The following PHLPP1 variants were observed in gnomAD, a reference collection of about 807,000 sequenced individuals.
PHLPP1 encodes PH domain leucine-rich repeat-containing protein phosphatase 1.
A neutral mutation model predicts 117.2 loss-of-function variants in PHLPP1; 42 were observed. The ratio of observed to expected loss-of-function variants is 0.36; its 90% CI spans 0.28 to 0.46. PHLPP1 has a LOEUF of 0.46. Ranked by LOEUF, PHLPP1 falls within the 20% of genes least tolerant of loss-of-function variation. The pLI is 1.00. For missense variants in PHLPP1, 2,084 were observed against 2,241.9 expected (o/e 0.93, Z 1.42); for synonymous variants, 1,042 against 970.7 (o/e 1.07, Z -1.37).
intron 1 of PHLPP1, among the ~76,000 whole-genome samples, chr18:62,802,216 C>T (rs980391767): frequency 3.9e-5 from 6 of 152,248 alleles, no homozygotes; most frequent in Middle Eastern, 3.4e-3. Flanking sequence ...AGAGGAAGGA[C>T]TGAGTGGCCC....
At chr18:62,739,773 T>C (rs1202609244) in intron 1 of PHLPP1, among the ~76,000 whole-genome samples, 1 of 152,200 alleles carries the variant, frequency 6.6e-6, no homozygotes, top group Non-Finnish European at 1.5e-5. Flanking sequence ...GAGATTCTTG[T>C]AAGAGCTCTG....
At chr18:62,772,699 C>T (rs1374747885) in intron 1 of PHLPP1, among the ~76,000 whole-genome samples, 1 of 151,724 alleles carries the variant, frequency 6.6e-6, no homozygotes, top group Non-Finnish European at 1.5e-5. Context: ...GGCGTAGTGG[C>T]ACATGCCTGT....
intron 1 of PHLPP1, among the ~76,000 whole-genome samples, chr18:62,734,328 A>G (rs1911308721): frequency 6.6e-6 from 1 of 152,180 alleles, no homozygotes; most frequent in African/African-American, 2.4e-5. Context: ...ATCTTCATGG[A>G]AGAAGGAATT....
At chr18:62,738,143 A>G (rs146294050) in intron 1 of PHLPP1, among the ~76,000 whole-genome samples, 121 of 151,960 alleles carry the variant, frequency 8.0e-4, no homozygotes, top group African/African-American at 2.5e-3. Context: ...AAAAAAAAAC[A>G]GTAAAAAATA....
intron 1 of PHLPP1, among the ~76,000 whole-genome samples, chr18:62,766,488 T>A (rs531737722): frequency 6.6e-6 from 1 of 152,146 alleles, no homozygotes; most frequent in African/African-American, 2.4e-5. Flanking sequence ...CTGCTGTGCT[T>A]GTTCACGCTG....
rs1911255927 is a variant in PHLPP1 at position 62,978,286 on chromosome 18, G to A, written c.4009G>A (p.Glu1337Lys). Residue 1337 changes from glutamate (E) to lysine (K), a missense_variant, in exon 17 of 17, where the codon GAG (glutamate) becomes AAG (lysine). Transcript: ENST00000262719. The surrounding 1 kb of genome is among the most constrained non-coding windows in gnomAD (Gnocchi z 7.0). ...GGATGGCAAGGTGAACGGAGTGACTGAGTCCACGCGCATCCTGGGCTACAC... is the reference window on the plus strand; with the variant it reads ...GGATGGCAAGGTGAACGGAGTGACTAAGTCCACGCGCATCCTGGGCTACAC... ...TEDGKVNGVT[E>K]STRILGYTFL... 1 of 1,607,132 alleles carries A rather than the reference G, an allele frequency of 6.2e-7. No individual in the cohort carries two copies. The highest frequency in any genetic ancestry group is 8.5e-7 in the Non-Finnish European group (1 of 1,175,142).
chr18:62,820,901 A>G (rs1018703169), intron 1 of PHLPP1, among the ~76,000 whole-genome samples: 20 of 152,366 alleles, frequency 1.3e-4, no homozygotes, highest in African/African-American at 4.6e-4. Flanking sequence ...ATTAATTCCT[A>G]CAAAGAACAT....
intron 1 of PHLPP1, among the ~76,000 whole-genome samples, chr18:62,748,152 C>A (rs1911733434): frequency 6.6e-6 from 1 of 152,072 alleles, no homozygotes; most frequent in African/African-American, 2.4e-5. Context: ...AGTCCTTCTT[C>A]CATAATTGTG....
Position 62,895,166 on chromosome 18 carries a change from T to C in PHLPP1, c.2213+9T>C. The C allele has an allele frequency of 6.2e-7, 1 of 1,612,130 alleles. No individual in the cohort carries two copies. The highest frequency in any genetic ancestry group is 1.1e-5 in the South Asian group (1 of 90,950). On this transcript the variant is annotated intron_variant, in intron 5 of 16. Coordinates refer to ENST00000262719, the MANE Select transcript of PHLPP1 (RefSeq NM_194449.4). The stretch of plus-strand genomic sequence containing the variant: ...GTTGGAGTGATGCACAAGTGTGTAC[T>C]TCAAACCCCACTGGCGGGTATATCC...
chr18:62,894,331 G>A (rs574652195), intron 4 of PHLPP1, among the ~76,000 whole-genome samples: 2 of 152,254 alleles, frequency 1.3e-5, no homozygotes, highest in South Asian at 4.1e-4. Context: ...GAGTAGCTGG[G>A]ATTACAGGGG....
chr18:62,965,657 C>G (rs561603118), intron 14 of PHLPP1, among the ~76,000 whole-genome samples: 1 of 151,064 alleles, frequency 6.6e-6, no homozygotes, highest in South Asian at 2.1e-4. Context: ...CAGGGTTTCA[C>G]CATGTTGGCT....
chr18:62,835,140 C>T (rs1474211679), intron 2 of PHLPP1, among the ~76,000 whole-genome samples: 4 of 151,148 alleles, frequency 2.6e-5, no homozygotes, highest in East Asian at 3.9e-4. Context: ...CTTACTGTTA[C>T]GGGCAGGAAG....
chr18:62,845,016 AT>A (rs1311689022), intron 3 of PHLPP1, among the ~76,000 whole-genome samples: 2 of 152,332 alleles, frequency 1.3e-5, no homozygotes, highest in East Asian at 3.9e-4. Flanking sequence ...AATCTTAGGC[AT>A]TTTATCTTCA....
In PHLPP1 at chr18:62,914,905, G is replaced by C. The variant is rs1239401514; in HGVS notation, c.2709-8G>C. On this transcript the variant is annotated splice_polypyrimidine_tract_variant and splice_region_variant and intron_variant, in intron 8 of 16. Transcript: ENST00000262719. ...TTCAACCAATTACTTTTATGTTCTTGCATTTAGGAACCGCTTAGAAAATGT... is the reference window on the plus strand; with the variant it reads ...TTCAACCAATTACTTTTATGTTCTTCCATTTAGGAACCGCTTAGAAAATGT... 1.2e-6 allele frequency: 2 copies of C among 1,606,714 alleles called. No homozygotes were observed. The highest frequency in any genetic ancestry group is 3.4e-5 in the Admixed American group (2 of 59,582).
intron 10 of PHLPP1, among the ~76,000 whole-genome samples, chr18:62,927,370 C>T (rs1599125196): frequency 6.6e-6 from 1 of 152,130 alleles, no homozygotes; most frequent in East Asian, 1.9e-4. Flanking sequence ...AACATATGTC[C>T]ACTGTCGAAT....
rs149015202 is a variant in PHLPP1, at chr18:62,925,981, T to C, written c.2960+5867T>C. Among the ~76,000 whole-genome samples the C allele has an allele frequency of 2.4e-4, 37 of 152,306 alleles. No individual in the cohort carries two copies. In the East Asian group the frequency reaches 4.8e-3, roughly 20 times the overall value. ...TACTGCTGAAACAAATAGATTTTTA[T>C]AAAAGAAGGATTTTAATGGAAAAAC... On this transcript the variant is annotated intron_variant, in intron 10 of 16. Coordinates refer to ENST00000262719, the MANE Select transcript of PHLPP1 (RefSeq NM_194449.4).
Position 62,715,603 on chromosome 18 carries a change from C to T in PHLPP1, c.-81C>T, listed in dbSNP as rs1243138743. On this transcript the variant is annotated 5_prime_UTR_variant, in exon 1 of 17. Coordinates refer to ENST00000262719, the MANE Select transcript of PHLPP1 (RefSeq NM_194449.4). ...CTTCTCCCTTCTCCGCGCGCCGCCG[C>T]CGTCTCCCACCTCCGCCTCATCGCC... The T allele has an allele frequency of 5.2e-6, 5 of 960,532 alleles. No individual in the cohort carries two copies. In the South Asian group the frequency reaches 1.3e-4, roughly 24 times the overall value. The allele number at this position is 960,532 out of a possible 1,614,324, so 59.5% of individuals were successfully genotyped here.
rs369896541 is a variant in PHLPP1, at chr18:62,830,064, C to T, written c.1606C>T (p.Arg536Trp). The change falls in exon 2 of 17, where the codon CGG becomes TGG. Residue 536 changes from arginine to tryptophan, a missense_variant. Physicochemically the swap from Arg to Trp is moderately radical, Grantham distance 101. Around this residue, in one of 2 missense-constraint regions of PHLPP1, gnomAD observed 1,365 missense variants for 1,605.9 expected, o/e 0.85. Coordinates refer to ENST00000262719, the MANE Select transcript of PHLPP1 (RefSeq NM_194449.4). ...ACCTCACAGCACGGGTAGCTCTGAACGGATTCAGCTCTCAGGAATGTATAA... is the reference window on the plus strand; with the variant it reads ...ACCTCACAGCACGGGTAGCTCTGAATGGATTCAGCTCTCAGGAATGTATAA... ...GKPHSTGSSE[R>W]IQLSGMYNVR... The T allele has an allele frequency of 8.7e-6, 14 of 1,613,106 alleles. No homozygotes were observed. The highest frequency in any genetic ancestry group is 1.7e-5 in the Admixed American group (1 of 59,934).
intron 1 of PHLPP1, among the ~76,000 whole-genome samples, chr18:62,775,651 T>G (rs1274405529): frequency 6.6e-6 from 1 of 152,264 alleles, no homozygotes; most frequent in African/African-American, 2.4e-5. Context: ...TCTCGACTAA[T>G]GACACTATCA....
Sources: allele counts gnomAD v4.1 joint callset (sites outside exome capture counted in the v4.1 genomes callset), GRCh38; gene constraint gnomAD v4.1.1; regional missense constraint gnomAD v4.1.1; non-coding constraint Gnocchi (gnomAD v3.1); transcripts MANE v1.5; gene names NCBI Gene and HGNC (gene_info 2026-07-23, HGNC 2026-07-21).